The following TXLNB variants were observed in gnomAD, a reference collection of about 807,000 sequenced individuals.
The protein encoded by TXLNB is taxilin beta.
In TXLNB, 37 loss-of-function variants were observed where a neutral mutation model predicts 57.4. That is an observed-to-expected ratio of 0.64 (90% confidence interval 0.50 to 0.85). The LOEUF is 0.85. Ranked by LOEUF, TXLNB falls within the 40% of genes least tolerant of loss-of-function variation. The pLI, the probability that TXLNB is intolerant of heterozygous loss-of-function variation, is 0.00. For missense variants in TXLNB, 848 were observed against 825.6 expected, an observed-to-expected ratio of 1.03 and a Z score of -0.33; for synonymous variants, 302 against 309.6, an observed-to-expected ratio of 0.98 and a Z score of 0.26.
At chr6:139,315,782 T>C in the TXLNB span, among the ~76,000 whole-genome samples, 2 of 152,150 alleles carry the variant, frequency 1.3e-5, no homozygotes. Flanking sequence ...CTGAGATGAA[T>C]AAAATGTATG....
At chr6:139,163,990 T>A in the TXLNB span, among the ~76,000 whole-genome samples, 3 of 152,110 alleles carry the variant, frequency 2.0e-5, no homozygotes, top group African/African-American at 7.2e-5. Context: ...CAGCCCTAAG[T>A]CTTTTTCCAT....
At chr6:139,317,029 G>A in the TXLNB span, among the ~76,000 whole-genome samples, 1 of 152,174 alleles carries the variant, frequency 6.6e-6, no homozygotes, top group African/African-American at 2.4e-5. Context: ...GATTATTCCT[G>A]AGGTTCCAGT....
chr6:139,292,497 T>C (rs1777323301), upstream of TXLNB, among the ~76,000 whole-genome samples: 1 of 152,162 alleles, frequency 6.6e-6, no homozygotes, highest in East Asian at 1.9e-4. This position sits in a 1 kb window ranked among gnomAD's most constrained non-coding sequence, Gnocchi z 4.0. Context: ...AACAATGGCA[T>C]AAGAACAGGG....
chr6:139,246,230 A>T lies in TXLNB; in HGVS notation c.1171-1540T>A, dbSNP rs141913157. Among the ~76,000 whole-genome samples the T allele has an allele frequency of 1.5e-3, 230 of 152,344 alleles. 3 individuals are homozygous for T. In the East Asian group the frequency reaches 0.027, roughly 18 times the overall value. On this transcript the variant is annotated intron_variant, in intron 8 of 9. Transcript: ENST00000358430. ...AAAACATGTTTTCCTGTTCTAATTT[A>T]TTCCAATCTTAAAATGCTAGAATTT...
chr6:139,317,404 T>TG, the TXLNB span, among the ~76,000 whole-genome samples: 2 of 151,548 alleles, frequency 1.3e-5, no homozygotes, highest in Admixed American at 1.3e-4. Context: ...ACAGAGGTTT[T>TG]TTTTTTTTTT....
At chr6:139,181,809 T>A in the TXLNB span, among the ~76,000 whole-genome samples, 1 of 152,230 alleles carries the variant, frequency 6.6e-6, no homozygotes, top group African/African-American at 2.4e-5. Flanking sequence ...ACTTTCTCCC[T>A]TATGCTTTAT....
Position 139,263,775 on chromosome 6 carries a change from T to C in TXLNB, c.688-1002A>G, listed in dbSNP as rs1402262923. Among the ~76,000 whole-genome samples, 3 of 152,236 alleles carry C rather than the reference T, an allele frequency of 2.0e-5. No individual in the cohort carries two copies. In the East Asian group the frequency reaches 5.8e-4, roughly 29 times the overall value. On this transcript the variant is annotated intron_variant, in intron 4 of 9. Transcript: ENST00000358430. ...GACAAATGATACAGACATTTTAGGA[T>C]TCCTTTCAGTTCTGATTAATTGTTA...
the TXLNB span, among the ~76,000 whole-genome samples, chr6:139,162,051 T>C: frequency 1.3e-5 from 2 of 152,176 alleles, no homozygotes; most frequent in African/African-American, 4.8e-5. Context: ...CCAGTATCTT[T>C]AATGCGACTT....
At chr6:139,276,114 A>G (rs185979983) in intron 3 of TXLNB, among the ~76,000 whole-genome samples, 22 of 152,358 alleles carry the variant, frequency 1.4e-4, no homozygotes, top group African/African-American at 5.1e-4. Context: ...TATGCCCCAT[A>G]TAGTACATGC....
the TXLNB span, among the ~76,000 whole-genome samples, chr6:139,187,500 C>T: frequency 6.6e-6 from 1 of 150,770 alleles, no homozygotes; most frequent in Non-Finnish European, 1.5e-5. Context: ...AAGCATCCTA[C>T]TGAGTTATCA....
the TXLNB span, among the ~76,000 whole-genome samples, chr6:139,201,274 A>G: frequency 6.6e-6 from 1 of 152,220 alleles, no homozygotes; most frequent in Non-Finnish European, 1.5e-5. Context: ...TCAGGCCCCA[A>G]TAGAACAGAC....
At chr6:139,168,858 T>C in the TXLNB span, among the ~76,000 whole-genome samples, 2 of 152,248 alleles carry the variant, frequency 1.3e-5, no homozygotes, top group African/African-American at 4.8e-5. Context: ...TTCTAAGTTA[T>C]ACATATTTTC....
Position 139,242,519 on chromosome 6 carries a change from G to A in TXLNB, c.*7C>T. 3 of 1,488,160 alleles carry A rather than the reference G, an allele frequency of 2.0e-6. No individual in the cohort carries two copies. Among genetic ancestry groups the A allele is most frequent in the Non-Finnish European group, 2.7e-6 (3 of 1,120,558 alleles). 92.2% of individuals were successfully genotyped at this position (1,488,160 alleles called of 1,614,324 possible). A position where few individuals can be genotyped will look rare whatever the true frequency, so the allele number is the denominator to read the frequency against. On this transcript the variant is annotated 3_prime_UTR_variant, in exon 10 of 10. Coordinates refer to ENST00000358430, the MANE Select transcript of TXLNB (RefSeq NM_153235.4). ...GCAGGAAGAAGCCTCTGAAGGCACG[G>A]TGAGGCTTAGTCGACGCCTTCCAGA... is the stretch of plus-strand genomic sequence containing the variant.
the TXLNB span, among the ~76,000 whole-genome samples, chr6:139,218,434 G>A: frequency 3.9e-5 from 6 of 152,268 alleles, no homozygotes; most frequent in Middle Eastern, 3.4e-3. Flanking sequence ...TAGGGCATCT[G>A]CAAAGCAGCA....
At chr6:139,193,993 C>T in the TXLNB span, among the ~76,000 whole-genome samples, 11 of 150,716 alleles carry the variant, frequency 7.3e-5, no homozygotes, top group Non-Finnish European at 1.3e-4. Context: ...AGGCGCCCGC[C>T]ACCACGCCCG....
the TXLNB span, among the ~76,000 whole-genome samples, chr6:139,309,766 T>C: frequency 6.6e-6 from 1 of 151,956 alleles, no homozygotes; most frequent in South Asian, 2.1e-4. Context: ...TCTATTTAGA[T>C]AAATACATTA....
chr6:139,316,331 T>C, the TXLNB span, among the ~76,000 whole-genome samples: 1 of 151,894 alleles, frequency 6.6e-6, no homozygotes, highest in Admixed American at 6.5e-5. Context: ...CTTTGATATA[T>C]GATCAGGTTT....
chr6:139,217,881 A>AAAAAAAG, the TXLNB span, among the ~76,000 whole-genome samples: 8 of 151,196 alleles, frequency 5.3e-5, no homozygotes, highest in African/African-American at 1.5e-4. Flanking sequence ...AAAAAAAAAA[A>AAAAAAAG]AAAAAAGAAA....
the TXLNB span, among the ~76,000 whole-genome samples, chr6:139,169,261 A>G: frequency 3.0e-4 from 46 of 151,946 alleles, no homozygotes; most frequent in African/African-American, 1.1e-3. Context: ...GAACTCCTTT[A>G]TTTTATATAT....
Sources: gnomAD v4.1 joint callset for allele counts (sites outside exome capture counted in the v4.1 genomes callset) on GRCh38, gnomAD v4.1.1 for gene constraint, Gnocchi (gnomAD v3.1) non-coding constraint, MANE v1.5 for transcripts, NCBI Gene and HGNC (gene_info 2026-07-23, HGNC 2026-07-21) for gene names.